ERC2: variants seen among roughly 807,000 people sequenced by gnomAD.
The protein encoded by ERC2 is ERC protein 2.
A neutral mutation model predicts 114.8 loss-of-function variants in ERC2; 42 were observed. The ratio of observed to expected loss-of-function variants is 0.37; its 90% CI spans 0.29 to 0.47. The LOEUF is 0.47. Among genes scored for constraint, ERC2 ranks in the 20% least tolerant of loss-of-function variants. The pLI, the probability that ERC2 is intolerant of heterozygous loss-of-function variation, is 0.99. For synonymous variants in ERC2, 454 were observed against 425.5 expected, an observed-to-expected ratio of 1.07 and a Z score of -0.82; for missense variants, 939 against 1,150.7, an observed-to-expected ratio of 0.82 and a Z score of 2.66.
chr3:56,038,481 G>A (rs2074943540), intron 7 of ERC2, among the ~76,000 whole-genome samples: 1 of 152,188 alleles, frequency 6.6e-6, no homozygotes, highest in African/African-American at 2.4e-5. Context: ...TTACATTGTT[G>A]GTGGGAATGT....
intron 17 of ERC2, among the ~76,000 whole-genome samples, chr3:55,674,709 C>T (rs1302094202): frequency 3.3e-5 from 5 of 152,260 alleles, no homozygotes; most frequent in East Asian, 3.9e-4. Flanking sequence ...AATCTTCTCT[C>T]GAAGAGATTA....
intron 17 of ERC2, among the ~76,000 whole-genome samples, chr3:55,524,622 A>AAAT (rs1272474653): frequency 6.6e-6 from 1 of 151,952 alleles, no homozygotes; most frequent in Admixed American, 6.6e-5. Context: ...TTATATGTCA[A>AAAT]CATTTAAGCC....
chr3:56,201,580 C>T (rs962868994), intron 3 of ERC2, among the ~76,000 whole-genome samples: 5 of 152,130 alleles, frequency 3.3e-5, no homozygotes, highest in Admixed American at 2.6e-4. Context: ...GAATTCATTC[C>T]CAACACTCAA....
chr3:56,389,132 A>G (rs1336692846), intron 2 of ERC2, among the ~76,000 whole-genome samples: 1 of 152,174 alleles, frequency 6.6e-6, no homozygotes, highest in East Asian at 1.9e-4. Context: ...AATGGGAAAA[A>G]GCAAAAAATA....
chr3:55,912,924 A>G (rs1165926924), intron 13 of ERC2, among the ~76,000 whole-genome samples: 2 of 152,200 alleles, frequency 1.3e-5, no homozygotes, highest in Non-Finnish European at 2.9e-5. Flanking sequence ...TTTTTCCATC[A>G]GTGCTTCTTC....
intron 2 of ERC2, among the ~76,000 whole-genome samples, chr3:56,301,541 C>G (rs1380000754): frequency 6.6e-6 from 1 of 151,970 alleles, no homozygotes; most frequent in Non-Finnish European, 1.5e-5. Flanking sequence ...TCTCATTGTT[C>G]TACTTTTTAG....
At chr3:56,348,885 AAGGAAGGAAG>A (rs1226845642) in intron 2 of ERC2, among the ~76,000 whole-genome samples, 3 of 40,094 alleles carry the variant, frequency 7.5e-5, no homozygotes, top group Non-Finnish European at 2.0e-4. Context: ...GGAAGGAAGG[AAGGAAGGAAG>A]GAAGGAAGGA....
chr3:56,082,084 T>TA, intron 6 of ERC2, among the ~76,000 whole-genome samples: 2 of 145,884 alleles, frequency 1.4e-5, no homozygotes, highest in African/African-American at 5.1e-5. Context: ...GATATATATA[T>TA]TAAAAAGATT....
intron 14 of ERC2, among the ~76,000 whole-genome samples, chr3:55,776,107 T>C (rs1434366986): frequency 1.3e-5 from 1 of 74,270 alleles, no homozygotes; most frequent in Admixed American, 1.3e-4. Flanking sequence ...AACACATACT[T>C]TTTTTTTTCT....
intron 17 of ERC2, among the ~76,000 whole-genome samples, chr3:55,629,924 C>G (rs1212285529): frequency 6.6e-6 from 1 of 152,146 alleles, no homozygotes; most frequent in East Asian, 1.9e-4. Flanking sequence ...GCATATGAGA[C>G]AGCAGTCTCA....
chr3:55,991,983 C>A, intron 11 of ERC2, 74 bp downstream of exon 11: 1 of 1,361,432 alleles, frequency 7.3e-7, no homozygotes, highest in Non-Finnish European at 1.0e-6. Context: ...TCCAAATCCA[C>A]CACAACCGGA....
intron 17 of ERC2, among the ~76,000 whole-genome samples, chr3:55,637,442 A>T (rs1559779947): frequency 6.6e-6 from 1 of 152,158 alleles, no homozygotes; most frequent in Non-Finnish European, 1.5e-5. Flanking sequence ...GCCCATGTGC[A>T]GAGGGAGAAG....
rs1355499220 is a variant in ERC2, at chr3:55,710,137, C to T, written c.2713-10625G>A. Among the ~76,000 whole-genome samples, 4 of 152,072 alleles carry T rather than the reference C, an allele frequency of 2.6e-5. No individual in the cohort carries two copies. The East Asian group carries it at 7.7e-4, about 29-fold the overall frequency. On this transcript the variant is annotated intron_variant, in intron 15 of 17. Coordinates refer to ENST00000288221, the MANE Select transcript of ERC2 (RefSeq NM_015576.3). ...ACACCTTTACTAGCTTTACACGGAA[C>T]ACTTGGAGCTCACCCTAACTAGGGT...
chr3:55,714,697 A>ATG (rs2064004587), intron 15 of ERC2, among the ~76,000 whole-genome samples: 12 of 86,974 alleles, frequency 1.4e-4, no homozygotes, highest in South Asian at 3.5e-4. Context: ...ATATATATAT[A>ATG]TATATATATA....
intron 16 of ERC2, among the ~76,000 whole-genome samples, chr3:55,693,872 CT>C (rs759360328): frequency 2.6e-5 from 4 of 152,016 alleles, no homozygotes; most frequent in Non-Finnish European, 5.9e-5. Context: ...CCACACCCGG[CT>C]AATTTTTGTA....
intron 13 of ERC2, among the ~76,000 whole-genome samples, chr3:55,897,142 G>A (rs529026138): frequency 6.3e-4 from 96 of 152,192 alleles, no homozygotes; most frequent in Admixed American, 1.2e-3. Context: ...AACATGTGTC[G>A]ACTTAAACTT....
chr3:56,069,519 C>T (rs553478751), intron 7 of ERC2, among the ~76,000 whole-genome samples: 18 of 152,182 alleles, frequency 1.2e-4, no homozygotes, highest in East Asian at 3.9e-4. Context: ...GAAATCAAGA[C>T]GTCAGCCAGA....
intron 14 of ERC2, among the ~76,000 whole-genome samples, chr3:55,833,803 A>G (rs1315717940): frequency 6.6e-6 from 1 of 152,246 alleles, no homozygotes; most frequent in African/African-American, 2.4e-5. Context: ...CAATTAAAAG[A>G]CACAGACTGG....
intron 17 of ERC2, among the ~76,000 whole-genome samples, chr3:55,570,249 A>G (rs59613952): frequency 0.013 from 1,948 of 152,064 alleles, 40 homozygotes; most frequent in African/African-American, 0.045. Context: ...TCATGCTCCA[A>G]AATTGGTTCT....
Sources: gnomAD v4.1 joint callset for allele counts (sites outside exome capture counted in the v4.1 genomes callset) on GRCh38, gnomAD v4.1.1 for gene constraint, MANE v1.5 for transcripts, NCBI Gene and HGNC (gene_info 2026-07-23, HGNC 2026-07-21) for gene names.